Variants in NIPSNAP3B observed in about 807,000 individuals in gnomAD.
NIPSNAP3B encodes the protein protein NipSnap homolog 3B.
A neutral mutation model predicts 31.5 loss-of-function variants in NIPSNAP3B; 30 were observed. That is an observed-to-expected ratio of 0.95 (90% CI 0.71 to 1.29). NIPSNAP3B has a LOEUF of 1.29. Among genes scored for constraint, NIPSNAP3B ranks in the 50% most tolerant of loss-of-function variants. The probability of loss-of-function intolerance (pLI) is 0.00; values close to 1 mark genes in which losing one functional copy is unlikely to be tolerated. For missense variants in NIPSNAP3B, 269 were observed against 300.7 expected (o/e 0.89, Z 0.78); for synonymous variants, 106 against 107.9 (o/e 0.98, Z 0.11).
intron 4 of NIPSNAP3B, among the ~76,000 whole-genome samples, chr9:104,772,220 G>GTTTTTTTTTTTT (rs1828237250): frequency 8.1e-6 from 1 of 124,172 alleles, no homozygotes. Flanking sequence ...TTTTTTTTTT[G>GTTTTTTTTTTTT]CTGTGCAGAA....
chr9:104,789,647 G>A, the NIPSNAP3B span, among the ~76,000 whole-genome samples: 1 of 152,176 alleles, frequency 6.6e-6, no homozygotes, highest in Non-Finnish European at 1.5e-5. Context: ...ACTACAATTA[G>A]TAACAGTAGG....
chr9:104,784,924 A>G, the NIPSNAP3B span, among the ~76,000 whole-genome samples: 1,166 of 152,270 alleles, frequency 7.7e-3, 18 homozygotes, highest in Middle Eastern at 0.017. Context: ...GATTACAGGC[A>G]TGAGCCACCA....
chr9:104,785,274 T>C, the NIPSNAP3B span: 2 of 1,306,570 alleles, frequency 1.5e-6, no homozygotes, highest in Non-Finnish European at 2.2e-6. Context: ...TAGCTAGGAA[T>C]AGTAGATCAG....
chr9:104,787,104 T>C, the NIPSNAP3B span: 1 of 715,586 alleles, frequency 1.4e-6, no homozygotes, highest in East Asian at 2.7e-5. Context: ...TATTTCTTGA[T>C]GAATCAAAGA....
intron 2 of NIPSNAP3B, among the ~76,000 whole-genome samples, chr9:104,767,836 T>G (rs1461734963): frequency 6.6e-6 from 1 of 152,166 alleles, no homozygotes; most frequent in East Asian, 1.9e-4. Context: ...ATTCATTTAC[T>G]ATTAGTCTTA....
chr9:104,787,849 A>G, the NIPSNAP3B span: 1 of 1,613,772 alleles, frequency 6.2e-7, no homozygotes, highest in Non-Finnish European at 8.5e-7. Flanking sequence ...CCCTGGACAT[A>G]TAGGACTTTT....
In NIPSNAP3B at chr9:104,774,864, T is replaced by C. The variant is rs1189479234; in HGVS notation, c.*1791T>C. 6.6e-6 allele frequency among the ~76,000 whole-genome samples: 1 copy of C among 152,204 alleles called. No homozygotes were observed. Among genetic ancestry groups the C allele is most frequent in the Non-Finnish European group, 1.5e-5 (1 of 68,036 alleles). On this transcript the variant is annotated 3_prime_UTR_variant, in exon 6 of 6. Transcript: ENST00000374762. Reference sequence around the variant, plus strand: ...CTCTATTTTATTCATTCTTTCATTCTCTTCGATGACTCCCAGCACCTGCGC... The same window carrying C: ...CTCTATTTTATTCATTCTTTCATTCCCTTCGATGACTCCCAGCACCTGCGC...
chr9:104,768,521 A>G (rs1191825594), intron 2 of NIPSNAP3B, among the ~76,000 whole-genome samples: 2 of 152,232 alleles, frequency 1.3e-5, no homozygotes, highest in Non-Finnish European at 2.9e-5. Flanking sequence ...CCTCACAACA[A>G]CACTGGAGGT....
At position 104,775,117 on chromosome 9, in the gene NIPSNAP3B, G is replaced by A. The variant is rs1373630291; in HGVS notation, c.*2044G>A. 6.6e-6 allele frequency among the ~76,000 whole-genome samples: 1 copy of A among 151,030 alleles called. No homozygotes were observed. Among genetic ancestry groups the A allele is most frequent in the Non-Finnish European group, 1.5e-5 (1 of 67,894 alleles). On this transcript the variant is annotated 3_prime_UTR_variant, in exon 6 of 6. Transcript: ENST00000374762. Reference sequence around the variant, plus strand: ...AGGATGTGGCTTAGGCAGTTTTCCTGTCTCCTGAAGCCACAGTATTCCCCT... The same window carrying A: ...AGGATGTGGCTTAGGCAGTTTTCCTATCTCCTGAAGCCACAGTATTCCCCT...
At chr9:104,764,340 G>A in intron 1 of NIPSNAP3B, 40 bp downstream of exon 1, 4 of 1,506,814 alleles carry the variant, frequency 2.7e-6, no homozygotes, top group Non-Finnish European at 3.6e-6. Flanking sequence ...TGGCCGGAGG[G>A]GAGGGGAGGG....
chr9:104,767,674 A>G (rs1233477029), intron 2 of NIPSNAP3B, among the ~76,000 whole-genome samples: 1 of 152,146 alleles, frequency 6.6e-6, no homozygotes, highest in Non-Finnish European at 1.5e-5. Context: ...TTTATAATTC[A>G]TTTATATGCT....
At chr9:104,787,831 T>C in the NIPSNAP3B span, 1 of 1,613,154 alleles carries the variant, frequency 6.2e-7, no homozygotes, top group Non-Finnish European at 8.5e-7. Context: ...AAGCCAATCA[T>C]ACAACAGCCC....
chr9:104,771,588 T>C (rs1490376186), intron 4 of NIPSNAP3B, among the ~76,000 whole-genome samples: 4 of 152,230 alleles, frequency 2.6e-5, no homozygotes, highest in Admixed American at 2.6e-4. Context: ...ATGGTGTGTA[T>C]GTACCACATT....
intron 1 of NIPSNAP3B, among the ~76,000 whole-genome samples, chr9:104,765,950 T>C (rs1435811916): frequency 6.6e-6 from 1 of 152,200 alleles, no homozygotes; most frequent in Non-Finnish European, 1.5e-5. Flanking sequence ...CTAATACATA[T>C]GGTATTGAGT....
chr9:104,773,847 T>C lies in NIPSNAP3B; in HGVS notation c.*774T>C, dbSNP rs1828279349. ...TAATAAAAATCCTGCATATTCATTG[T>C]TTTTTTAAATTCACATTTTATACTT... On this transcript the variant is annotated 3_prime_UTR_variant, in exon 6 of 6. Coordinates refer to ENST00000374762, the MANE Select transcript of NIPSNAP3B (RefSeq NM_018376.4). 6.6e-6 allele frequency: 1 copy of C among 152,202 alleles called. No homozygotes were observed. The highest frequency in any genetic ancestry group is 2.4e-5 in the African/African-American group (1 of 41,442). 9.4% of individuals were successfully genotyped at this position (152,202 alleles called of 1,614,324 possible). A position where few individuals can be genotyped will look rare whatever the true frequency, so the allele number is the denominator to read the frequency against.
Position 104,774,191 on chromosome 9 carries a change from A to G in NIPSNAP3B, c.*1118A>G, listed in dbSNP as rs4742923. 3.3e-3 allele frequency among the ~76,000 whole-genome samples: 504 copies of G among 152,360 alleles called. 18 individuals carry two copies. In the East Asian group the frequency reaches 0.06, roughly 18 times the overall value. On this transcript the variant is annotated 3_prime_UTR_variant, in exon 6 of 6. Coordinates refer to ENST00000374762, the MANE Select transcript of NIPSNAP3B (RefSeq NM_018376.4). ...AGCTATGTTATTTTATATTTTTAAA[A>G]TCTTACAGCTATAAAATAGTAAATT...
chr9:104,788,536 T>C, the NIPSNAP3B span: 2 of 1,614,088 alleles, frequency 1.2e-6, no homozygotes, highest in Non-Finnish European at 1.7e-6. Flanking sequence ...TAGCCCATGT[T>C]CTGATGTACT....
At chr9:104,788,422 G>C in the NIPSNAP3B span, 1 of 1,614,104 alleles carries the variant, frequency 6.2e-7, no homozygotes, top group Non-Finnish European at 8.5e-7. Flanking sequence ...GGTGCCCACA[G>C]TACCTTGCCA....
chr9:104,779,743 G>C (rs527440236), downstream of NIPSNAP3B, among the ~76,000 whole-genome samples: 4 of 152,110 alleles, frequency 2.6e-5, no homozygotes, highest in Admixed American at 2.6e-4. Context: ...AGGCTCATGG[G>C]TAGGGCCAGG....
Sources: gnomAD v4.1 joint callset for allele counts (sites outside exome capture counted in the v4.1 genomes callset) on GRCh38, gnomAD v4.1.1 for gene constraint, MANE v1.5 for transcripts, NCBI Gene and HGNC (gene_info 2026-07-23, HGNC 2026-07-21) for gene names.